GPC5: variants seen among roughly 807,000 people sequenced by gnomAD.
GPC5 encodes glypican-5.
In GPC5, 47 loss-of-function variants were observed where a neutral mutation model predicts 53.9. The observed-to-expected ratio is 0.87, with a 90% CI of 0.69 to 1.11. The LOEUF (loss-of-function observed/expected upper bound fraction) is 1.11, where lower values mean the gene tolerates loss of function less well. Among genes scored for constraint, GPC5 ranks in the 50% most tolerant of loss-of-function variants. GPC5 has a pLI of 0.00. For synonymous variants in GPC5, 286 were observed against 263.3 expected, an observed-to-expected ratio of 1.09 and a Z score of -0.84; for missense variants, 748 against 713.1, an observed-to-expected ratio of 1.05 and a Z score of -0.56.
At chr13:92,512,192 T>A (rs1013031906) in intron 7 of GPC5, among the ~76,000 whole-genome samples, 1 of 152,140 alleles carries the variant, frequency 6.6e-6, no homozygotes, top group African/African-American at 2.4e-5. Context: ...TGGCAACACT[T>A]AATGATTGAT....
chr13:92,113,968 C>T (rs1165068152), intron 6 of GPC5, among the ~76,000 whole-genome samples: 1 of 152,120 alleles, frequency 6.6e-6, no homozygotes, highest in East Asian at 1.9e-4. Context: ...ATGTGAAAAA[C>T]AACTCTTCCT....
At chr13:91,785,308 G>A (rs1214831200) in intron 5 of GPC5, among the ~76,000 whole-genome samples, 1 of 152,062 alleles carries the variant, frequency 6.6e-6, no homozygotes, top group Admixed American at 6.6e-5. Flanking sequence ...CAGTATCCCT[G>A]GTCTCTAATA....
chr13:92,476,772 T>C (rs1378018324), intron 7 of GPC5, among the ~76,000 whole-genome samples: 2 of 148,858 alleles, frequency 1.3e-5, no homozygotes, highest in East Asian at 2.0e-4. Flanking sequence ...GAAATCATCA[T>C]TCTCAGTAAA....
intron 7 of GPC5, among the ~76,000 whole-genome samples, chr13:92,395,250 T>C (rs1318346226): frequency 2.6e-5 from 4 of 152,172 alleles, no homozygotes; most frequent in African/African-American, 4.8e-5. Context: ...TCTTTTAGCA[T>C]ATCAATTATA....
chr13:91,987,614 A>G (rs1378624975), intron 6 of GPC5, among the ~76,000 whole-genome samples: 1 of 151,478 alleles, frequency 6.6e-6, no homozygotes, highest in Non-Finnish European at 1.5e-5. Flanking sequence ...GAGATTGAGT[A>G]TAACTTCTCA....
chr13:91,979,268 C>A (rs1475470542), intron 6 of GPC5, among the ~76,000 whole-genome samples: 1 of 151,910 alleles, frequency 6.6e-6, no homozygotes, highest in Non-Finnish European at 1.5e-5. Flanking sequence ...GTATTCAAAG[C>A]TATGTGTTCA....
chr13:91,494,860 C>A (rs1440962767), intron 2 of GPC5, among the ~76,000 whole-genome samples: 2 of 152,148 alleles, frequency 1.3e-5, no homozygotes, highest in African/African-American at 2.4e-5. Context: ...TACCAGGGTT[C>A]ATTTCTTACT....
rs567664117 is a variant in GPC5 at position 91,688,671 on chromosome 13, T to C, written c.326-4516T>C. On this transcript the variant is annotated intron_variant, in intron 2 of 7. Coordinates refer to ENST00000377067, the MANE Select transcript of GPC5 (RefSeq NM_004466.6). ...TTTGGAGAAATACATCATTAGACAATTTCGCCATTGTGCAAATATAACAGA... is the reference window on the plus strand; with the variant it reads ...TTTGGAGAAATACATCATTAGACAACTTCGCCATTGTGCAAATATAACAGA... 3.9e-5 allele frequency among the ~76,000 whole-genome samples: 6 copies of C among 152,204 alleles called. No homozygotes were observed. The South Asian group carries it at 1.2e-3, about 32-fold the overall frequency.
At position 91,572,079 on chromosome 13, in the gene GPC5, A is replaced by C. The variant is rs1186081551; in HGVS notation, c.326-121108A>C. ...TATATATACATGTATATACACACAT[A>C]TGTATATGTACATGTGTGTGTATAT... On this transcript the variant is annotated intron_variant, in intron 2 of 7. Coordinates refer to ENST00000377067, the MANE Select transcript of GPC5 (RefSeq NM_004466.6). Among the ~76,000 whole-genome samples, 5 of 140,736 alleles carry C rather than the reference A, an allele frequency of 3.6e-5. 1 individual carries two copies. Among genetic ancestry groups the C allele is most frequent in the African/African-American group, 1.4e-4 (5 of 35,150 alleles). 92.3% of individuals were successfully genotyped at this position (140,736 alleles called of 152,430 possible).
intron 5 of GPC5, among the ~76,000 whole-genome samples, chr13:91,800,892 A>G (rs1259740281): frequency 6.6e-6 from 1 of 152,140 alleles, no homozygotes; most frequent in Non-Finnish European, 1.5e-5. Flanking sequence ...TCTTTATAAG[A>G]TAAATGGCTG....
intron 6 of GPC5, among the ~76,000 whole-genome samples, chr13:92,013,847 GA>G (rs1566394256): frequency 6.6e-6 from 1 of 151,800 alleles, no homozygotes; most frequent in African/African-American, 2.4e-5. Context: ...CATAAGTTCA[GA>G]AAAACCTATA....
At chr13:91,844,028 G>C (rs1235000319) in intron 5 of GPC5, among the ~76,000 whole-genome samples, 1 of 152,158 alleles carries the variant, frequency 6.6e-6, no homozygotes, top group Non-Finnish European at 1.5e-5. Flanking sequence ...GTATATTTGA[G>C]AGTTTTGCGT....
At chr13:92,409,341 C>T (rs1046820888) in intron 7 of GPC5, among the ~76,000 whole-genome samples, 14 of 151,134 alleles carry the variant, frequency 9.3e-5, no homozygotes, top group African/African-American at 2.7e-4. Context: ...ATATAGTAGA[C>T]GTAGAATCAT....
chr13:92,298,168 C>T (rs1379091141), intron 7 of GPC5, among the ~76,000 whole-genome samples: 5 of 152,268 alleles, frequency 3.3e-5, no homozygotes, highest in African/African-American at 1.2e-4. Flanking sequence ...TCACTCCTGC[C>T]GTGCCCCCTC....
At chr13:92,736,744 C>T (rs960717509) in intron 7 of GPC5, among the ~76,000 whole-genome samples, 4 of 151,818 alleles carry the variant, frequency 2.6e-5, no homozygotes, top group African/African-American at 7.3e-5. Context: ...TCCCTAACTC[C>T]CAGAATTTCA....
chr13:91,754,038 C>T lies in GPC5; in HGVS notation c.1155-2257C>T, dbSNP rs546136179. On this transcript the variant is annotated intron_variant, in intron 4 of 7. Coordinates refer to ENST00000377067, the MANE Select transcript of GPC5 (RefSeq NM_004466.6). ...TTATAGATGATGGTTCATAGAATGA[C>T]TGGAAATCTTCTAGGTTAAATCCTT... Among the ~76,000 whole-genome samples, 3 of 152,238 alleles carry T rather than the reference C, an allele frequency of 2.0e-5. No homozygotes were observed. The East Asian group carries it at 5.8e-4, about 29-fold the overall frequency.
intron 1 of GPC5, among the ~76,000 whole-genome samples, chr13:91,433,812 C>T (rs145177608): frequency 0.03 from 4,450 of 150,454 alleles, 102 homozygotes; most frequent in Middle Eastern, 0.062. Flanking sequence ...TTTATAGTCC[C>T]ACCAACAGTG....
intron 7 of GPC5, among the ~76,000 whole-genome samples, chr13:92,656,657 G>A (rs1886147004): frequency 6.6e-6 from 1 of 152,188 alleles, no homozygotes; most frequent in Non-Finnish European, 1.5e-5. Flanking sequence ...GCATTTGGTT[G>A]TTTTGGCTCA....
intron 2 of GPC5, among the ~76,000 whole-genome samples, chr13:91,523,863 C>T (rs549478125): frequency 1.1e-4 from 16 of 151,936 alleles, no homozygotes; most frequent in African/African-American, 2.4e-4. Context: ...GTGCATAATA[C>T]GAGTCACTCA....
Sources: gnomAD v4.1 joint callset for allele counts (sites outside exome capture counted in the v4.1 genomes callset) on GRCh38, gnomAD v4.1.1 for gene constraint, MANE v1.5 for transcripts, NCBI Gene and HGNC (gene_info 2026-07-23, HGNC 2026-07-21) for gene names.